The following NRXN2 variants were observed in gnomAD, a reference collection of about 807,000 sequenced individuals.
The protein encoded by NRXN2 is neurexin-2-beta.
Under a neutral mutation model 128.8 loss-of-function variants are expected in NRXN2, and 29 were observed. That is an observed-to-expected ratio of 0.23 (90% CI 0.17 to 0.31). The LOEUF is 0.31. NRXN2 is among the 10% of genes least tolerant of loss of function. NRXN2 has a pLI of 1.00. For synonymous variants in NRXN2, 1,098 were observed against 1,075.2 expected (o/e 1.02, Z -0.41); for missense variants, 1,881 against 2,452.6 (o/e 0.77, Z 4.92).
intron 11 of NRXN2, among the ~76,000 whole-genome samples, chr11:64,658,555 C>T (rs1213043049): frequency 6.6e-6 from 1 of 152,236 alleles, no homozygotes; most frequent in Non-Finnish European, 1.5e-5. Context: ...CCTCCAGTCC[C>T]CACCTCTCTC....
intron 7 of NRXN2, among the ~76,000 whole-genome samples, chr11:64,671,908 G>A (rs1292411750): frequency 6.6e-6 from 1 of 151,780 alleles, no homozygotes; most frequent in Non-Finnish European, 1.5e-5. Context: ...ACACACCTGC[G>A]TACATACCAC....
chr11:64,665,369 A>T (rs1020141031), intron 9 of NRXN2, among the ~76,000 whole-genome samples: 6 of 152,216 alleles, frequency 3.9e-5, no homozygotes, highest in African/African-American at 1.4e-4. Context: ...CACCTGGTCC[A>T]GACTCTGGCT....
Position 64,667,838 on chromosome 11 carries a change from C to T in NRXN2, c.1360-150G>A. ...CAGACCACCCGCTTAGGCCTCTGTT[C>T]TACAGCTTCAGACACAGAGGCTGTG... On this transcript the variant is annotated intron_variant, in intron 8 of 22. Transcript: ENST00000265459. This position sits in a 1 kb window ranked among gnomAD's most constrained non-coding sequence, Gnocchi z 5.6. The T allele has an allele frequency of 4.1e-6, 3 of 739,628 alleles. No individual in the cohort carries two copies. The highest frequency in any genetic ancestry group is 7.1e-6 in the Non-Finnish European group (3 of 423,862). 45.8% of individuals were successfully genotyped at this position (739,628 alleles called of 1,614,324 possible). A position where few individuals can be genotyped will look rare whatever the true frequency, so the allele number is the denominator to read the frequency against.
At chr11:64,666,481 C>T (rs2049880680) in intron 9 of NRXN2, among the ~76,000 whole-genome samples, 1 of 152,084 alleles carries the variant, frequency 6.6e-6, no homozygotes, top group Non-Finnish European at 1.5e-5. Flanking sequence ...GAATTACAGG[C>T]GTGAGCCACA....
chr11:64,691,023 T>C (rs2053741412), intron 4 of NRXN2, among the ~76,000 whole-genome samples: 1 of 152,216 alleles, frequency 6.6e-6, no homozygotes, highest in African/African-American at 2.4e-5. Context: ...TGTTCTTTCC[T>C]GTCCTTGAGG....
chr11:64,678,157 C>T (rs1303655034), intron 6 of NRXN2, among the ~76,000 whole-genome samples: 1 of 152,006 alleles, frequency 6.6e-6, no homozygotes, highest in Non-Finnish European at 1.5e-5. Flanking sequence ...TGAGTCGCCA[C>T]CAGAACAGGG....
rs564306583 is a variant in NRXN2 at position 64,701,923 on chromosome 11, C to T, written c.731-4131G>A. Among the ~76,000 whole-genome samples the T allele has an allele frequency of 9.1e-5, 13 of 143,286 alleles. No homozygotes were observed. The South Asian group carries it at 2.8e-3, about 31-fold the overall frequency. The allele number at this position is 143,286 out of a possible 152,430, so 94.0% of individuals were successfully genotyped here. On this transcript the variant is annotated intron_variant, in intron 2 of 22. Coordinates refer to ENST00000265459, the MANE Select transcript of NRXN2 (RefSeq NM_015080.4). Reference sequence around the variant, plus strand: ...GAGGTGGGGGGGGTCAGCCCCCCGCCCGGCCAGCCGCCCCGTCCAGGAGGG... The same window carrying T: ...GAGGTGGGGGGGGTCAGCCCCCCGCTCGGCCAGCCGCCCCGTCCAGGAGGG...
intron 22 of NRXN2, among the ~76,000 whole-genome samples, chr11:64,616,153 T>G (rs1243200948): frequency 6.6e-6 from 1 of 152,172 alleles, no homozygotes; most frequent in Admixed American, 6.5e-5. Context: ...TCTGAGAATG[T>G]GCACATCTGA....
chr11:64,666,169 A>G lies in NRXN2; in HGVS notation c.1798+1081T>C, dbSNP rs551577679. On this transcript the variant is annotated intron_variant, in intron 9 of 22. Coordinates refer to ENST00000265459, the MANE Select transcript of NRXN2 (RefSeq NM_015080.4). The stretch of plus-strand genomic sequence containing the variant: ...TACAGAACCTTGGACACCATCTGGC[A>G]CACAGTGGGTGCTCAGTAACTGCTG... 3.3e-5 allele frequency among the ~76,000 whole-genome samples: 5 copies of G among 151,656 alleles called. No individual in the cohort carries two copies. In the East Asian group the frequency reaches 5.8e-4, roughly 18 times the overall value.
At chr11:64,671,626 C>A (rs1220549499) in intron 7 of NRXN2, among the ~76,000 whole-genome samples, 1 of 151,974 alleles carries the variant, frequency 6.6e-6, no homozygotes, top group Non-Finnish European at 1.5e-5. Context: ...GGGCTAGACC[C>A]AGCAGGACAG....
rs78051865 is a variant in NRXN2 at position 64,688,885 on chromosome 11, C to A, written c.850+1520G>T. ...CGCCCCCCTCCGCCCTCCCTACTCT[C>A]GAGCTCTACAGCTGTCTGTTCTGCT... On this transcript the variant is annotated intron_variant, in intron 5 of 22. Coordinates refer to ENST00000265459, the MANE Select transcript of NRXN2 (RefSeq NM_015080.4). 480 of 858,658 alleles carry A rather than the reference C, an allele frequency of 5.6e-4. 11 individuals are homozygous for A. The East Asian group carries it at 0.044, about 78-fold the overall frequency. 53.2% of individuals were successfully genotyped at this position (858,658 alleles called of 1,614,324 possible).
rs1356392198 is a variant in NRXN2 at position 64,667,699 on chromosome 11, G to A, written c.1360-11C>T. 4 of 1,613,572 alleles carry A rather than the reference G, an allele frequency of 2.5e-6. No homozygotes were observed. The highest frequency in any genetic ancestry group is 1.7e-5 in the Admixed American group (1 of 60,022). On this transcript the variant is annotated splice_polypyrimidine_tract_variant and intron_variant, in intron 8 of 22. Transcript: ENST00000265459. The surrounding 1 kb of genome is among the most constrained non-coding windows in gnomAD (Gnocchi z 5.6). Reference sequence around the variant, plus strand: ...GTTCTTATAGACCACCTGCAGGGAGGGGTGGGGTCAGGGATAAAGAATCCG... The same window carrying A: ...GTTCTTATAGACCACCTGCAGGGAGAGGTGGGGTCAGGGATAAAGAATCCG...
chr11:64,628,179 G>A (rs567728719), intron 19 of NRXN2, among the ~76,000 whole-genome samples: 1 of 152,340 alleles, frequency 6.6e-6, no homozygotes, highest in East Asian at 1.9e-4. Context: ...TGCCATTCTA[G>A]TGTTTAATGA....
intron 22 of NRXN2, among the ~76,000 whole-genome samples, chr11:64,613,352 G>A (rs1369401672): frequency 6.6e-6 from 1 of 152,220 alleles, no homozygotes; most frequent in Non-Finnish European, 1.5e-5. Context: ...CAGAACATGT[G>A]AGTGCACCAC....
At chr11:64,699,001 T>C (rs1247557870) in intron 2 of NRXN2, among the ~76,000 whole-genome samples, 1 of 152,184 alleles carries the variant, frequency 6.6e-6, no homozygotes, top group Non-Finnish European at 1.5e-5. Context: ...CACACTTATG[T>C]ACACACAGCT....
intron 6 of NRXN2, among the ~76,000 whole-genome samples, chr11:64,677,724 C>T (rs2051550046): frequency 6.6e-6 from 1 of 152,150 alleles, no homozygotes; most frequent in Non-Finnish European, 1.5e-5. Flanking sequence ...GGAACAAGGG[C>T]TGTGAGGAGG....
chr11:64,707,992 C>A (rs1292860770), intron 2 of NRXN2, among the ~76,000 whole-genome samples: 1 of 152,038 alleles, frequency 6.6e-6, no homozygotes, highest in East Asian at 1.9e-4. Flanking sequence ...ACTATGGAGG[C>A]TGAGGCAGGA....
At position 64,648,924 on chromosome 11, in the gene NRXN2, T is replaced by A; in HGVS notation, c.3110-17A>T. The A allele has an allele frequency of 6.2e-7, 1 of 1,613,918 alleles. No individual in the cohort carries two copies. The highest frequency in any genetic ancestry group is 8.5e-7 in the Non-Finnish European group (1 of 1,179,864). On this transcript the variant is annotated splice_polypyrimidine_tract_variant and intron_variant, in intron 15 of 22. Coordinates refer to ENST00000265459, the MANE Select transcript of NRXN2 (RefSeq NM_015080.4). The surrounding 1 kb of genome is among the most constrained non-coding windows in gnomAD (Gnocchi z 4.1). The stretch of plus-strand genomic sequence containing the variant: ...ACAACTCCCCTGCAAAGGGAGTGGG[T>A]CAACCAAGGCATCCAGGTCCCCATT...
At chr11:64,625,149 T>C (rs1422839912) in intron 20 of NRXN2, among the ~76,000 whole-genome samples, 1 of 152,218 alleles carries the variant, frequency 6.6e-6, no homozygotes, top group Non-Finnish European at 1.5e-5. Flanking sequence ...CTGGCTCTCC[T>C]TCATCTAAAC....
Sources: gnomAD v4.1 joint callset for allele counts (sites outside exome capture counted in the v4.1 genomes callset) on GRCh38, gnomAD v4.1.1 for gene constraint, Gnocchi (gnomAD v3.1) non-coding constraint, MANE v1.5 for transcripts, NCBI Gene and HGNC (gene_info 2026-07-23, HGNC 2026-07-21) for gene names.